The following RIMBP2 variants were observed in gnomAD, a reference collection of about 807,000 sequenced individuals.
RIMBP2 encodes the protein RIMS-binding protein 2.
In RIMBP2, 48 loss-of-function variants were observed where a neutral mutation model predicts 118.6. That is an observed-to-expected ratio of 0.40 (90% CI 0.32 to 0.51). The LOEUF is 0.51. RIMBP2 is among the 20% of genes least tolerant of loss of function. The pLI, the probability that RIMBP2 is intolerant of heterozygous loss-of-function variation, is 0.41. For missense variants in RIMBP2, 1,551 were observed against 1,768.3 expected, an observed-to-expected ratio of 0.88 and a Z score of 2.20; for synonymous variants, 762 against 742.9, an observed-to-expected ratio of 1.03 and a Z score of -0.42.
At chr12:130,548,140 C>A (rs2055357895) in intron 2 of RIMBP2, among the ~76,000 whole-genome samples, 1 of 150,950 alleles carries the variant, frequency 6.6e-6, no homozygotes, top group African/African-American at 2.5e-5. Context: ...GACAAGAAGC[C>A]CACGACGGAA....
chr12:130,465,865 T>C (rs61489134), intron 6 of RIMBP2: 3,177 of 152,294 alleles, frequency 0.021, 94 homozygotes, highest in East Asian at 0.16. Context: ...AGGACCAGGG[T>C]CGCTGTCCCC....
In RIMBP2 at chr12:130,480,121, C is replaced by A. The variant is rs930458902; in HGVS notation, c.-3-1105G>T. On this transcript the variant is annotated intron_variant, in intron 4 of 22. Transcript: ENST00000690449. ...TGGGAACAGTCACAGAAAACATTTC[C>A]TGGGGTCCCCAAGCCACTCCTGGGG... 3.3e-5 allele frequency among the ~76,000 whole-genome samples: 5 copies of A among 151,794 alleles called. No homozygotes were observed. In the South Asian group the frequency reaches 1.0e-3, roughly 32 times the overall value.
In RIMBP2 at chr12:130,450,932, G is replaced by A. The variant is rs1319404493; in HGVS notation, c.504+263C>T. The stretch of plus-strand genomic sequence containing the variant: ...CTGCGTCATCCTTGCACCCCTCGAT[G>A]GGATTTGCTTTTCTAAACGCTGCCT... On this transcript the variant is annotated intron_variant, in intron 8 of 22. Transcript: ENST00000690449. This position sits in a 1 kb window ranked among gnomAD's most constrained non-coding sequence, Gnocchi z 4.8. Among the ~76,000 whole-genome samples the A allele has an allele frequency of 6.6e-6, 1 of 152,168 alleles. No homozygotes were observed. Among genetic ancestry groups the A allele is most frequent in the Non-Finnish European group, 1.5e-5 (1 of 68,044 alleles).
chr12:130,649,712 C>T (rs912316828), intron 1 of RIMBP2, among the ~76,000 whole-genome samples: 9 of 152,142 alleles, frequency 5.9e-5, no homozygotes, highest in African/African-American at 1.4e-4. Flanking sequence ...CCCTGGAGAT[C>T]CTCTCAGCCC....
At chr12:130,546,735 C>A (rs1172684998) in intron 2 of RIMBP2, among the ~76,000 whole-genome samples, 1 of 152,156 alleles carries the variant, frequency 6.6e-6, no homozygotes, top group Non-Finnish European at 1.5e-5. Context: ...CCAGGCTGCG[C>A]GTGGATGTGT....
chr12:130,446,005 G>A lies in RIMBP2; in HGVS notation c.582-736C>T, dbSNP rs1410922113. ...AGTCAAAATGCTCAGAAAAACAGAC[G>A]CATGATTTTATGCTCCCCCCCCCCA... is the stretch of plus-strand genomic sequence containing the variant. On this transcript the variant is annotated intron_variant, in intron 9 of 22. Transcript: ENST00000690449. This position sits in a 1 kb window ranked among gnomAD's most constrained non-coding sequence, Gnocchi z 4.1. Among the ~76,000 whole-genome samples, 5 of 128,468 alleles carry A rather than the reference G, an allele frequency of 3.9e-5. No homozygotes were observed. Among genetic ancestry groups the A allele is most frequent in the East Asian group, 2.4e-4 (1 of 4,244 alleles). The allele number at this position is 128,468 out of a possible 152,430, so 84.3% of individuals were successfully genotyped here.
At chr12:130,425,520 C>G (rs535204608) in intron 15 of RIMBP2, 36 of 152,498 alleles carry the variant, frequency 2.4e-4, no homozygotes, top group Non-Finnish European at 5.1e-4. Context: ...CCTGTCTCCT[C>G]TGCATCCTGC....
Position 130,406,246 on chromosome 12 carries a change from G to T in RIMBP2, c.3694-3C>A. 1 of 1,592,224 alleles carries T rather than the reference G, an allele frequency of 6.3e-7. No homozygotes were observed. The highest frequency in any genetic ancestry group is 8.6e-7 in the Non-Finnish European group (1 of 1,165,362). On this transcript the variant is annotated splice_region_variant and splice_polypyrimidine_tract_variant and intron_variant, in intron 20 of 22. Coordinates refer to ENST00000690449, the MANE Select transcript of RIMBP2 (RefSeq NM_001393629.1). ...CCTGTGCAAAATGTAAGTTCGGCCT[G>T]TGGAGATGAAACATAAAATTAATCG...
intron 1 of RIMBP2, among the ~76,000 whole-genome samples, chr12:130,637,429 C>T (rs975448564): frequency 2.6e-5 from 4 of 152,176 alleles, no homozygotes; most frequent in Admixed American, 2.6e-4. Flanking sequence ...GACAGCACAT[C>T]GGACTGGAGG....
intron 19 of RIMBP2, 101 bp from the exon 20 acceptor site, chr12:130,407,930 C>T (rs2075330254): frequency 2.0e-6 from 2 of 1,021,832 alleles, no homozygotes; most frequent in African/African-American, 1.6e-5. Flanking sequence ...ACAGCCGAGA[C>T]CTGGCACTGC....
intron 1 of RIMBP2, among the ~76,000 whole-genome samples, chr12:130,709,730 C>T (rs533448058): frequency 1.3e-5 from 2 of 152,104 alleles, no homozygotes; most frequent in African/African-American, 4.8e-5. Context: ...GGAAACCCCC[C>T]CCCTTCCCAC....
At chr12:130,532,086 T>A (rs10848132) in intron 2 of RIMBP2, among the ~76,000 whole-genome samples, 5 of 134,934 alleles carry the variant, frequency 3.7e-5, no homozygotes, top group South Asian at 2.6e-4. Context: ...GATGCGTATG[T>A]TTAGCCTCTA....
intron 6 of RIMBP2, among the ~76,000 whole-genome samples, chr12:130,461,741 G>C (rs975177887): frequency 3.3e-5 from 5 of 152,056 alleles, no homozygotes; most frequent in Non-Finnish European, 7.4e-5. Context: ...ATACCCTCCT[G>C]CTCTCAGCAC....
At chr12:130,471,347 T>G (rs1438524521) in intron 5 of RIMBP2, among the ~76,000 whole-genome samples, 1 of 152,202 alleles carries the variant, frequency 6.6e-6, no homozygotes, top group Non-Finnish European at 1.5e-5. Context: ...ACACTATCAT[T>G]TCTTGTCCTC....
chr12:130,530,251 A>G (rs2053227289), intron 2 of RIMBP2, among the ~76,000 whole-genome samples: 3 of 152,300 alleles, frequency 2.0e-5, no homozygotes, highest in Admixed American at 1.3e-4. Context: ...GATATGTTCA[A>G]TATGGCTCCT....
At chr12:130,530,002 G>C (rs1318819681) in intron 2 of RIMBP2, among the ~76,000 whole-genome samples, 2 of 152,158 alleles carry the variant, frequency 1.3e-5, no homozygotes, top group East Asian at 3.9e-4. Flanking sequence ...TGGCCCAGGG[G>C]TTGGTGACCC....
Position 130,406,172 on chromosome 12 carries a change from A to G in RIMBP2, c.3765T>C (p.Tyr1255=), listed in dbSNP as rs780473553. 2 of 1,517,780 alleles carry G rather than the reference A, an allele frequency of 1.3e-6. No homozygotes were observed. Among genetic ancestry groups the G allele is most frequent in the Non-Finnish European group, 9.1e-7 (1 of 1,096,302 alleles). 94.0% of individuals were successfully genotyped at this position (1,517,780 alleles called of 1,614,324 possible). ...ACTTCTTGATATTTCAAAAACTTACATAATAAAATCCATCTTCATCAATTT... is the reference window on the plus strand; with the variant it reads ...ACTTCTTGATATTTCAAAAACTTACGTAATAAAATCCATCTTCATCAATTT... ...FGEIDEDGFY[Y]GELNGQKGLV... is the part of the protein sequence containing the mutation. Residue 1255 remains tyrosine (Y), a splice_region_variant and synonymous_variant, in exon 21 of 23, where the codon TAT becomes TAC. Coordinates refer to ENST00000690449, the MANE Select transcript of RIMBP2 (RefSeq NM_001393629.1).
At chr12:130,638,253 T>C (rs1004255931) in intron 1 of RIMBP2, among the ~76,000 whole-genome samples, 2 of 152,188 alleles carry the variant, frequency 1.3e-5, no homozygotes, top group South Asian at 2.1e-4. Flanking sequence ...ATGTCTTTCA[T>C]AGGCGAATGA....
intron 2 of RIMBP2, among the ~76,000 whole-genome samples, chr12:130,612,244 A>T (rs1447905980): frequency 6.6e-6 from 1 of 152,054 alleles, no homozygotes; most frequent in Non-Finnish European, 1.5e-5. Context: ...CCTCAGCCTC[A>T]CCTTCCACGG....
Sources: gnomAD v4.1 joint callset for allele counts (sites outside exome capture counted in the v4.1 genomes callset) on GRCh38, gnomAD v4.1.1 for gene constraint, Gnocchi (gnomAD v3.1) non-coding constraint, MANE v1.5 for transcripts, NCBI Gene and HGNC (gene_info 2026-07-23, HGNC 2026-07-21) for gene names.